The following MAGI2 variants were observed in gnomAD, a reference collection of about 807,000 sequenced individuals.
MAGI2 encodes membrane-associated guanylate kinase, WW and PDZ domain-containing protein 2.
A neutral mutation model predicts 133.3 loss-of-function variants in MAGI2; 35 were observed. That is an observed-to-expected ratio of 0.26 (90% CI 0.20 to 0.35). The LOEUF (loss-of-function observed/expected upper bound fraction) is 0.35, where lower values mean the gene tolerates loss of function less well. Among genes scored for constraint, MAGI2 ranks in the 10% least tolerant of loss-of-function variants. MAGI2 has a pLI of 1.00. For synonymous variants in MAGI2, 729 were observed against 710.6 expected, an observed-to-expected ratio of 1.03 and a Z score of -0.41; for missense variants, 1,636 against 1,863.4, an observed-to-expected ratio of 0.88 and a Z score of 2.25.
chr7:78,435,515 G>A (rs1299331294), intron 6 of MAGI2, among the ~76,000 whole-genome samples: 24 of 152,180 alleles, frequency 1.6e-4, no homozygotes, highest in Non-Finnish European at 1.5e-5. Flanking sequence ...GGTACATTCT[G>A]TGCTACTTTT....
At chr7:78,520,520 A>G (rs752670069) in intron 4 of MAGI2, among the ~76,000 whole-genome samples, 5 of 152,164 alleles carry the variant, frequency 3.3e-5, no homozygotes, top group African/African-American at 4.8e-5. Context: ...ACAGTTTTTA[A>G]GAGCTTTAAA....
chr7:78,732,067 G>C (rs916938617), intron 2 of MAGI2, among the ~76,000 whole-genome samples: 49 of 152,206 alleles, frequency 3.2e-4, no homozygotes, highest in African/African-American at 1.1e-3. Context: ...ATGAGAGAGA[G>C]AGAAAAGAAA....
intron 1 of MAGI2, among the ~76,000 whole-genome samples, chr7:79,424,841 C>T (rs947012498): frequency 2.6e-5 from 4 of 152,076 alleles, no homozygotes; most frequent in African/African-American, 4.8e-5. Flanking sequence ...GTCTGAATAT[C>T]ATGTAATGAA....
intron 2 of MAGI2, among the ~76,000 whole-genome samples, chr7:78,768,385 A>G (rs1585351626): frequency 6.6e-6 from 1 of 152,226 alleles, no homozygotes; most frequent in East Asian, 1.9e-4. Context: ...GTCTACATGT[A>G]TAAAAGCAGC....
rs371889318 is a variant in MAGI2 at position 78,929,051 on chromosome 7, T to C, written c.418+78039A>G. 6.3e-4 allele frequency among the ~76,000 whole-genome samples: 96 copies of C among 152,154 alleles called. 2 individuals are homozygous for C. The South Asian group carries it at 0.018, about 28-fold the overall frequency. On this transcript the variant is annotated intron_variant, in intron 2 of 21. Transcript: ENST00000354212. Reference sequence around the variant, plus strand: ...GAGGTTAAAAAATTCCAATGGAATATTAAAGAATAATGTTATAAATCCAGA... The same window carrying C: ...GAGGTTAAAAAATTCCAATGGAATACTAAAGAATAATGTTATAAATCCAGA...
At chr7:78,522,253 G>C (rs889268000) in intron 3 of MAGI2, among the ~76,000 whole-genome samples, 1 of 152,030 alleles carries the variant, frequency 6.6e-6, no homozygotes, top group African/African-American at 2.4e-5. Flanking sequence ...CATTATCTGA[G>C]CTATGGAATC....
intron 9 of MAGI2, among the ~76,000 whole-genome samples, chr7:78,317,568 C>T (rs531189499): frequency 9.8e-5 from 15 of 152,322 alleles, no homozygotes; most frequent in East Asian, 9.6e-4. Flanking sequence ...CAGCTTCAGC[C>T]GACTTAAACG....
intron 1 of MAGI2, among the ~76,000 whole-genome samples, chr7:79,102,724 T>C (rs1450564399): frequency 6.6e-6 from 1 of 152,148 alleles, no homozygotes; most frequent in Non-Finnish European, 1.5e-5. Flanking sequence ...TTAAAGACAT[T>C]TTAGTTGATT....
intron 2 of MAGI2, among the ~76,000 whole-genome samples, chr7:78,833,788 T>G (rs1054414015): frequency 2.6e-5 from 4 of 152,132 alleles, no homozygotes; most frequent in East Asian, 3.9e-4. Flanking sequence ...CCCTGCCTAA[T>G]ATACAAATGG....
intron 2 of MAGI2, among the ~76,000 whole-genome samples, chr7:78,719,763 G>A (rs1304477491): frequency 6.6e-6 from 1 of 152,130 alleles, no homozygotes; most frequent in Non-Finnish European, 1.5e-5. Flanking sequence ...TTTCATTACA[G>A]GGGACTTACT....
At chr7:78,432,418 C>T (rs1181179714) in intron 6 of MAGI2, among the ~76,000 whole-genome samples, 3 of 152,076 alleles carry the variant, frequency 2.0e-5, no homozygotes, top group Non-Finnish European at 2.9e-5. Flanking sequence ...ATGCCCCACA[C>T]ATTTCACATC....
chr7:79,395,183 T>A (rs960329613), intron 1 of MAGI2, among the ~76,000 whole-genome samples: 16 of 152,316 alleles, frequency 1.1e-4, no homozygotes, highest in African/African-American at 3.8e-4. Flanking sequence ...AGATCATATT[T>A]TCTTACAAAT....
At chr7:78,785,452 T>C (rs922405668) in intron 2 of MAGI2, among the ~76,000 whole-genome samples, 3 of 152,244 alleles carry the variant, frequency 2.0e-5, no homozygotes, top group Non-Finnish European at 4.4e-5. Flanking sequence ...TGTTAAAAGC[T>C]TTGTAAAATG....
chr7:78,875,419 A>G (rs914938261), intron 2 of MAGI2, among the ~76,000 whole-genome samples: 1 of 152,134 alleles, frequency 6.6e-6, no homozygotes, highest in Non-Finnish European at 1.5e-5. Context: ...AACCCCGTCC[A>G]TATCTTTGGC....
At chr7:78,671,213 T>C (rs1814342012) in intron 2 of MAGI2, among the ~76,000 whole-genome samples, 1 of 152,118 alleles carries the variant, frequency 6.6e-6, no homozygotes, top group African/African-American at 2.4e-5. Flanking sequence ...GAACAGCACT[T>C]TCCAGGCCAA....
chr7:78,186,025 T>C (rs1027354838), intron 12 of MAGI2, among the ~76,000 whole-genome samples: 1 of 152,146 alleles, frequency 6.6e-6, no homozygotes, highest in African/African-American at 2.4e-5. Context: ...ACAGAAAATA[T>C]AGGTCCTTTA....
At chr7:79,166,686 C>A (rs1259022968) in intron 1 of MAGI2, among the ~76,000 whole-genome samples, 1 of 152,026 alleles carries the variant, frequency 6.6e-6, no homozygotes, top group Non-Finnish European at 1.5e-5. Context: ...GGGGAAAAAT[C>A]CTTATCTTTA....
chr7:79,446,342 G>C (rs529477376), intron 1 of MAGI2, among the ~76,000 whole-genome samples: 5 of 152,078 alleles, frequency 3.3e-5, no homozygotes, highest in African/African-American at 1.2e-4. Context: ...ATTCAACATA[G>C]ACAAAATCTC....
At chr7:78,685,466 G>T (rs1385023937) in intron 2 of MAGI2, among the ~76,000 whole-genome samples, 3 of 141,630 alleles carry the variant, frequency 2.1e-5, no homozygotes, top group African/African-American at 5.1e-5. Flanking sequence ...TGTCATTGTC[G>T]TTTTTTTTTT....
Sources: gnomAD v4.1 joint callset for allele counts (sites outside exome capture counted in the v4.1 genomes callset) on GRCh38, gnomAD v4.1.1 for gene constraint, MANE v1.5 for transcripts, NCBI Gene and HGNC (gene_info 2026-07-23, HGNC 2026-07-21) for gene names.